The following PCID2 variants were observed in gnomAD, a reference collection of about 807,000 sequenced individuals.
The protein encoded by PCID2 is PCI domain containing 2, also known as PCI domain-containing protein 2.
A neutral mutation model predicts 61.3 loss-of-function variants in PCID2; 41 were observed. That is an observed-to-expected ratio of 0.67 (90% CI 0.52 to 0.87). The LOEUF (loss-of-function observed/expected upper bound fraction) is 0.87. Ranked by LOEUF, PCID2 falls within the 40% of genes least tolerant of loss-of-function variation. The probability of loss-of-function intolerance (pLI) is 0.00; values close to 1 mark genes in which losing one functional copy is unlikely to be tolerated. For missense variants in PCID2, 392 were observed against 493.4 expected (o/e 0.79, Z 1.95); for synonymous variants, 187 against 177.8 (o/e 1.05, Z -0.41).
chr13:113,202,965 C>T (rs1259658912), intron 1 of PCID2, among the ~76,000 whole-genome samples: 2 of 152,168 alleles, frequency 1.3e-5, no homozygotes, highest in Non-Finnish European at 2.9e-5. Context: ...TGTCCTTATT[C>T]TAAGGACAAA....
At chr13:113,198,624 G>A (rs367933291) in intron 2 of PCID2, among the ~76,000 whole-genome samples, 6 of 152,226 alleles carry the variant, frequency 3.9e-5, no homozygotes, top group Non-Finnish European at 8.8e-5. Flanking sequence ...AGAATCGCTT[G>A]AACATGGGTG....
At chr13:113,165,340 T>G in the PCID2 span, among the ~76,000 whole-genome samples, 1 of 152,176 alleles carries the variant, frequency 6.6e-6, no homozygotes, top group Non-Finnish European at 1.5e-5. Flanking sequence ...CCCCAAGACC[T>G]TTCCTCTGCA....
intron 10 of PCID2, 22 bp from the exon 11 acceptor site, chr13:113,180,253 TG>T: frequency 6.4e-7 from 1 of 1,566,362 alleles, no homozygotes; most frequent in Non-Finnish European, 8.8e-7. Context: ...TTTTCCAGAA[TG>T]AAAATGCTTT....
intron 9 of PCID2, chr13:113,183,818 G>A: frequency 1.0e-6 from 1 of 984,886 alleles, no homozygotes; most frequent in Non-Finnish European, 1.2e-6. Context: ...TGTCAGGTGT[G>A]GCAGCGACAC....
Position 113,197,704 on chromosome 13 carries a change from A to G in PCID2, c.201-461T>C, listed in dbSNP as rs2138879915. ...TGGGGTTCACAGAACATTCCTGCTC[A>G]CAGACCCCACACTGGTCCTGTAGCC... is the stretch of plus-strand genomic sequence containing the variant. On this transcript the variant is annotated intron_variant, in intron 3 of 13. Coordinates refer to ENST00000337344, the MANE Select transcript of PCID2 (RefSeq NM_001127202.4). Among the ~76,000 whole-genome samples the G allele has an allele frequency of 2.0e-5, 3 of 152,358 alleles. No individual in the cohort carries two copies. The Middle Eastern group carries it at 0.01, about 518-fold the overall frequency.
At chr13:113,170,495 G>A in the PCID2 span, 8 of 1,602,376 alleles carry the variant, frequency 5.0e-6, no homozygotes, top group Non-Finnish European at 6.8e-6. Context: ...ACAGCAAAAT[G>A]TTCACTGTTA....
chr13:113,201,689 G>A (rs2138931643), intron 1 of PCID2, among the ~76,000 whole-genome samples: 1 of 151,846 alleles, frequency 6.6e-6, no homozygotes, highest in Non-Finnish European at 1.5e-5. Flanking sequence ...GTGGGCATCC[G>A]TAGTCCCAGG....
intron 2 of PCID2, among the ~76,000 whole-genome samples, chr13:113,199,275 G>T (rs180750645): frequency 6.6e-6 from 1 of 152,318 alleles, no homozygotes; most frequent in Non-Finnish European, 1.5e-5. Flanking sequence ...GAGGAAGAAA[G>T]AATTCACTCC....
intron 9 of PCID2, among the ~76,000 whole-genome samples, chr13:113,183,371 C>G (rs111924902): frequency 1.8e-3 from 269 of 151,996 alleles, no homozygotes; most frequent in African/African-American, 6.0e-3. Context: ...AAATCAGTAT[C>G]TTAATAAAAT....
At chr13:113,195,753 G>C (rs1420905180) in intron 5 of PCID2, among the ~76,000 whole-genome samples, 2 of 151,910 alleles carry the variant, frequency 1.3e-5, no homozygotes, top group East Asian at 1.9e-4. Flanking sequence ...TTAACCTATA[G>C]TTTGTTAATA....
At chr13:113,181,503 AGG>A (rs2037634005) in intron 9 of PCID2, among the ~76,000 whole-genome samples, 1 of 152,240 alleles carries the variant, frequency 6.6e-6, no homozygotes, top group Non-Finnish European at 1.5e-5. Flanking sequence ...GATTTGCCTA[AGG>A]TCAGCTGGCA....
intron 1 of PCID2, among the ~76,000 whole-genome samples, chr13:113,207,385 C>T (rs112467344): frequency 6.6e-6 from 1 of 152,096 alleles, no homozygotes; most frequent in African/African-American, 2.4e-5. Context: ...TAAAGATAAT[C>T]GTATCAAATT....
rs74415544 is a variant in PCID2, at chr13:113,206,739, T to C, written c.36+1860A>G. On this transcript the variant is annotated intron_variant, in intron 1 of 13. Transcript: ENST00000337344. ...ATGCCAGTTCAACCAGAAATATTTT[T>C]ATCCATCAGAATTAGGAGGAAGCGG... is the stretch of plus-strand genomic sequence containing the variant. 2.6e-5 allele frequency among the ~76,000 whole-genome samples: 4 copies of C among 152,396 alleles called. No homozygotes were observed. The East Asian group carries it at 7.7e-4, about 29-fold the overall frequency.
chr13:113,171,659 T>A, the PCID2 span: 3 of 1,614,060 alleles, frequency 1.9e-6, no homozygotes, highest in East Asian at 6.7e-5. The surrounding 1 kb of genome is among the most constrained non-coding windows in gnomAD (Gnocchi z 5.1). Flanking sequence ...GCACATGCGG[T>A]ATGACGCGGA....
At chr13:113,174,888 G>C (rs560713101), downstream of PCID2, among the ~76,000 whole-genome samples, 3 of 152,314 alleles carry the variant, frequency 2.0e-5, no homozygotes, top group Non-Finnish European at 2.9e-5. Flanking sequence ...CCATGTGTAC[G>C]CCCGTGGACT....
intron 8 of PCID2, 76 bp downstream of exon 8, chr13:113,185,409 G>A (rs2038021338): frequency 4.1e-6 from 4 of 983,132 alleles, no homozygotes; most frequent in Admixed American, 1.8e-5. Flanking sequence ...GAGGCTAGCT[G>A]ATATATATAT....
chr13:113,190,846 T>C (rs1566960951), intron 7 of PCID2, 26 bp downstream of exon 7: 1 of 1,427,206 alleles, frequency 7.0e-7, no homozygotes, highest in Non-Finnish European at 9.8e-7. Context: ...CAGCGTCTGG[T>C]GGTCGGTCCT....
At chr13:113,198,691 G>GGA (rs2039202208) in intron 2 of PCID2, among the ~76,000 whole-genome samples, 1 of 151,062 alleles carries the variant, frequency 6.6e-6, no homozygotes, top group Non-Finnish European at 1.5e-5. Context: ...GGTGACAGAG[G>GGA]GAGACTCTGT....
intron 7 of PCID2, chr13:113,186,239 G>A (rs921455411): frequency 6.6e-6 from 1 of 152,376 alleles, no homozygotes; most frequent in Non-Finnish European, 1.5e-5. Flanking sequence ...CCACATGAGG[G>A]ATGAGGGAAG....
Sources: gnomAD v4.1 joint callset for allele counts (sites outside exome capture counted in the v4.1 genomes callset) on GRCh38, gnomAD v4.1.1 for gene constraint, Gnocchi (gnomAD v3.1) non-coding constraint, MANE v1.5 for transcripts, NCBI Gene and HGNC (gene_info 2026-07-23, HGNC 2026-07-21) for gene names.